Variants in TCERG1 observed in about 807,000 individuals in gnomAD.
TCERG1 encodes transcription elongation regulator 1.
In TCERG1, 37 loss-of-function variants were observed where a neutral mutation model predicts 144.7. The ratio of observed to expected loss-of-function variants is 0.26; its 90% CI spans 0.20 to 0.34. The LOEUF is 0.34. Among genes scored for constraint, TCERG1 ranks in the 10% least tolerant of loss-of-function variants. TCERG1 has a pLI of 1.00. For missense variants in TCERG1, 1,027 were observed against 1,380.7 expected, an observed-to-expected ratio of 0.74 and a Z score of 4.06; for synonymous variants, 492 against 458.2, an observed-to-expected ratio of 1.07 and a Z score of -0.94.
intron 9 of TCERG1, among the ~76,000 whole-genome samples, chr5:146,472,838 C>T (rs1052002973): frequency 5.9e-5 from 9 of 152,052 alleles, no homozygotes; most frequent in African/African-American, 1.9e-4. Flanking sequence ...CTCAGCTTCC[C>T]AAATAGCTGG....
At chr5:146,458,563 C>G (rs1405888304) in intron 3 of TCERG1, among the ~76,000 whole-genome samples, 1 of 151,904 alleles carries the variant, frequency 6.6e-6, no homozygotes, top group Non-Finnish European at 1.5e-5. Context: ...GCCTCCACTT[C>G]CTGGGTTCAA....
intron 1 of TCERG1, among the ~76,000 whole-genome samples, 188 bp downstream of exon 1, chr5:146,447,596 C>T (rs1283305669): frequency 6.6e-6 from 1 of 152,228 alleles, no homozygotes; most frequent in African/African-American, 2.4e-5. Context: ...CCGGGCTGGG[C>T]CAGGGCCTCC....
intron 4 of TCERG1, among the ~76,000 whole-genome samples, chr5:146,459,621 A>G (rs572059430): frequency 6.6e-6 from 1 of 152,220 alleles, no homozygotes; most frequent in Non-Finnish European, 1.5e-5. Flanking sequence ...GGTTTGCAAA[A>G]TAAGTGTAAG....
In TCERG1 at chr5:146,458,866, T is replaced by A; in HGVS notation, c.439-18T>A. ...CTGACAGATTTTATGATACCATTGA[T>A]TTTTGCTTCCGCTGCAGGTTTATTA... On this transcript the variant is annotated intron_variant, in intron 3 of 22. Coordinates refer to ENST00000679501, the MANE Select transcript of TCERG1 (RefSeq NM_001382548.1). 6.3e-7 allele frequency: 1 copy of A among 1,581,670 alleles called. No homozygotes were observed. The highest frequency in any genetic ancestry group is 1.2e-5 in the South Asian group (1 of 86,702).
chr5:146,453,871 A>G (rs190228328), intron 1 of TCERG1, among the ~76,000 whole-genome samples: 1 of 152,206 alleles, frequency 6.6e-6, no homozygotes, highest in African/African-American at 2.4e-5. Flanking sequence ...TAACATTGAC[A>G]TATCTGAAGA....
rs1763979217 is a variant in TCERG1 at position 146,468,359 on chromosome 5, TAGTC to T, written c.1157_1160del (p.Val386AlafsTer5). 6.2e-7 allele frequency: 1 copy of T among 1,610,664 alleles called. No individual in the cohort carries two copies. Among genetic ancestry groups the T allele is most frequent in the Non-Finnish European group, 8.5e-7 (1 of 1,178,362 alleles). On this transcript the variant is annotated frameshift_variant, in exon 6 of 23. Transcript: ENST00000679501. LOFTEE classifies it high-confidence loss of function. Reference sequence around the variant, plus strand: ...TTTACAGGTGTAGCAATGATGCAAATAGTCAGCTGCCCGTATGTAAAGACAGTCG... The same window carrying T: ...TTTACAGGTGTAGCAATGATGCAAATAGCTGCCCGTATGTAAAGACAGTCG...
In TCERG1 at chr5:146,498,542, T is replaced by G; in HGVS notation, c.2289T>G (p.Thr763=). The G allele has an allele frequency of 6.2e-7, 1 of 1,605,276 alleles. No homozygotes were observed. Among genetic ancestry groups the G allele is most frequent in the Non-Finnish European group, 8.5e-7 (1 of 1,176,926 alleles). ...ACTTGTAATTTTGTTACAGAGCAAC[T>G]TTTAGTGAATTTGCAGCCAAGCATG... ...MEEAKFNPRA[T]FSEFAAKHAK... is the part of the protein sequence containing the mutation. Residue 763 remains threonine (T), a synonymous_variant, in exon 17 of 23, where the codon ACT becomes ACG. Transcript: ENST00000679501.
At chr5:146,501,887 C>CTTTT (rs70998087) in intron 17 of TCERG1, among the ~76,000 whole-genome samples, 1 of 73,416 alleles carries the variant, frequency 1.4e-5, no homozygotes, top group African/African-American at 5.2e-5. Flanking sequence ...ATCAACTTCA[C>CTTTT]TTTTTTTTTT....
At chr5:146,453,463 C>T (rs1455801032) in intron 1 of TCERG1, among the ~76,000 whole-genome samples, 1 of 152,298 alleles carries the variant, frequency 6.6e-6, no homozygotes, top group Non-Finnish European at 1.5e-5. Context: ...TTCAATACTT[C>T]AGTATTTTCT....
intron 18 of TCERG1, 22 bp downstream of exon 18, chr5:146,503,561 A>C: frequency 6.2e-7 from 1 of 1,609,642 alleles, no homozygotes; most frequent in Non-Finnish European, 8.5e-7. Flanking sequence ...GTTTACTTGT[A>C]TTGCTTTCAT....
chr5:146,483,099 T>A (rs1323208622), intron 14 of TCERG1, among the ~76,000 whole-genome samples: 1 of 152,192 alleles, frequency 6.6e-6, no homozygotes, highest in Non-Finnish European at 1.5e-5. Flanking sequence ...ACTGATACTT[T>A]GTGATATTAT....
At chr5:146,491,079 T>C (rs1329402746) in intron 15 of TCERG1, among the ~76,000 whole-genome samples, 1 of 152,140 alleles carries the variant, frequency 6.6e-6, no homozygotes, top group African/African-American at 2.4e-5. Flanking sequence ...ATTTTTCATG[T>C]TGGAGAGTTT....
chr5:146,457,876 G>A (rs1762965304), intron 3 of TCERG1, among the ~76,000 whole-genome samples: 1 of 152,196 alleles, frequency 6.6e-6, no homozygotes, highest in African/African-American at 2.4e-5. Context: ...TGAGATGGAA[G>A]TTTCACCCTG....
chr5:146,506,550 A>G (rs1245046540), intron 19 of TCERG1, among the ~76,000 whole-genome samples: 4 of 152,190 alleles, frequency 2.6e-5, no homozygotes, highest in South Asian at 4.1e-4. Flanking sequence ...TTTTGAATGT[A>G]GAATACATTA....
chr5:146,496,756 C>T (rs1766937930), intron 16 of TCERG1, among the ~76,000 whole-genome samples: 1 of 151,384 alleles, frequency 6.6e-6, no homozygotes, highest in Non-Finnish European at 1.5e-5. Flanking sequence ...CAGCTCACTG[C>T]AGCCTCAGAT....
rs923818402 is a variant in TCERG1, at chr5:146,448,787, A to G, written c.59+1379A>G. On this transcript the variant is annotated intron_variant, in intron 1 of 22. Transcript: ENST00000679501. ...CAGTATTAATGAGTGATCAAGGTGA[A>G]TTGTCAGCATCTTTAAATATTAGCG... is the stretch of plus-strand genomic sequence containing the variant. Among the ~76,000 whole-genome samples, 3 of 152,198 alleles carry G rather than the reference A, an allele frequency of 2.0e-5. No individual in the cohort carries two copies. In the East Asian group the frequency reaches 5.8e-4, roughly 29 times the overall value.
In TCERG1 at chr5:146,509,151, CAAAG is replaced by C; in HGVS notation, c.3054_3057del (p.Arg1019AsnfsTer21). 6.5e-7 allele frequency: 1 copy of C among 1,541,708 alleles called. No individual in the cohort carries two copies. The highest frequency in any genetic ancestry group is 8.7e-7 in the Non-Finnish European group (1 of 1,145,358). On this transcript the variant is annotated frameshift_variant, in exon 22 of 23. Coordinates refer to ENST00000679501, the MANE Select transcript of TCERG1 (RefSeq NM_001382548.1). LOFTEE classifies it high-confidence loss of function. Reference sequence around the variant, plus strand: ...TTTTTTTTTTTATTAACAGAAAAAACAAAGAGAATTTGAAGAATATATCAGAGAC... The same window carrying C: ...TTTTTTTTTTTATTAACAGAAAAAACAGAATTTGAAGAATATATCAGAGAC...
At chr5:146,465,108 C>A (rs1168646349) in intron 5 of TCERG1, among the ~76,000 whole-genome samples, 1 of 152,148 alleles carries the variant, frequency 6.6e-6, no homozygotes, top group Non-Finnish European at 1.5e-5. Flanking sequence ...AAATTTAAGA[C>A]AAGCAGCTGG....
At chr5:146,472,602 T>C (rs1386030528) in intron 9 of TCERG1, among the ~76,000 whole-genome samples, 1 of 152,098 alleles carries the variant, frequency 6.6e-6, no homozygotes, top group Non-Finnish European at 1.5e-5. Flanking sequence ...CGGGTGTCCA[T>C]TTTCCCTGAG....
Sources: allele counts gnomAD v4.1 joint callset (sites outside exome capture counted in the v4.1 genomes callset), GRCh38; gene constraint gnomAD v4.1.1; transcripts MANE v1.5; gene names NCBI Gene and HGNC (gene_info 2026-07-23, HGNC 2026-07-21).